GOLGA2: variants seen among roughly 807,000 people sequenced by gnomAD.
The protein encoded by GOLGA2 is golgin subfamily A member 2.
GOLGA2 carries 49 observed loss-of-function variants against 148.8 expected under a neutral mutation model. That is an observed-to-expected ratio of 0.33 (90% CI 0.26 to 0.42). GOLGA2 has a LOEUF of 0.42. Ranked by LOEUF, GOLGA2 falls within the 10% of genes least tolerant of loss-of-function variation. The pLI is 1.00. For synonymous variants in GOLGA2, 501 were observed against 511.8 expected (o/e 0.98, Z 0.28); for missense variants, 1,178 against 1,304.6 (o/e 0.90, Z 1.49).
At position 128,260,093 on chromosome 9, in the gene GOLGA2, T is replaced by C; in HGVS notation, c.1855A>G (p.Ser619Gly). Residue 619 changes from serine (S) to glycine (G), a missense_variant, in exon 19 of 27, where the codon AGC becomes GGC. Coordinates refer to ENST00000611957, the MANE Select transcript of GOLGA2 (RefSeq NM_001366244.2). This position sits in a 1 kb window ranked among gnomAD's most constrained non-coding sequence, Gnocchi z 4.8. ...GGGGTTACCGTTTCCTTCAGCTCGC[T>C]CAGCTTCTCCTGCAGCTCGCCCAGC... is the stretch of plus-strand genomic sequence containing the variant. ...KKLGELQEKL[S>G]ELKETVELKS... The C allele has an allele frequency of 6.2e-7, 1 of 1,609,912 alleles. No homozygotes were observed. Among genetic ancestry groups the C allele is most frequent in the Non-Finnish European group, 8.5e-7 (1 of 1,179,158 alleles).
At chr9:128,267,313 G>C (rs539131846) in intron 7 of GOLGA2, 39 bp from the exon 8 acceptor site, 31 of 1,468,142 alleles carry the variant, frequency 2.1e-5, no homozygotes, top group African/African-American at 4.2e-5. Context: ...GAGGAGGATT[G>C]GGGGGAGAGG....
chr9:128,262,458 A>C (rs1830330672), intron 14 of GOLGA2, 105 bp downstream of exon 14: 1 of 1,153,984 alleles, frequency 8.7e-7, no homozygotes. Context: ...CAAGGACCCA[A>C]ATTTTCCAGC....
chr9:128,266,931 C>T lies in GOLGA2; in HGVS notation c.642+263G>A. 1 of 566,456 alleles carries T rather than the reference C, an allele frequency of 1.8e-6. No homozygotes were observed. Among genetic ancestry groups the T allele is most frequent in the East Asian group, 3.1e-5 (1 of 32,736 alleles). 35.1% of individuals were successfully genotyped at this position (566,456 alleles called of 1,614,324 possible). The stretch of plus-strand genomic sequence containing the variant: ...ACAACCAGTCAGGCTAGCGCTTCCC[C>T]AAGAGGCAACAACCCCAGGGCGTGT... On this transcript the variant is annotated intron_variant, in intron 8 of 26. Coordinates refer to ENST00000611957, the MANE Select transcript of GOLGA2 (RefSeq NM_001366244.2). This position sits in a 1 kb window ranked among gnomAD's most constrained non-coding sequence, Gnocchi z 4.2.
In GOLGA2 at chr9:128,261,636, T is replaced by G. The variant is rs1453154470; in HGVS notation, c.1224+32A>C. 6.4e-7 allele frequency: 1 copy of G among 1,551,316 alleles called. No homozygotes were observed. The highest frequency in any genetic ancestry group is 1.4e-5 in the African/African-American group (1 of 73,706). On this transcript the variant is annotated intron_variant, in intron 15 of 26. Coordinates refer to ENST00000611957, the MANE Select transcript of GOLGA2 (RefSeq NM_001366244.2). The surrounding 1 kb of genome is among the most constrained non-coding windows in gnomAD (Gnocchi z 5.7). The stretch of plus-strand genomic sequence containing the variant: ...TACTCCTGGCCACCTGGGGTCATCT[T>G]CCTTCTACATCCCTCCCCTGCAAAG...
intron 1 of GOLGA2, among the ~76,000 whole-genome samples, chr9:128,274,762 C>T (rs1409744953): frequency 6.6e-6 from 1 of 152,220 alleles, no homozygotes; most frequent in African/African-American, 2.4e-5. Flanking sequence ...ATTTATGTGA[C>T]TGTCATCCCT....
chr9:128,273,087 C>CAGTCACACAG (rs1831060375), intron 2 of GOLGA2, among the ~76,000 whole-genome samples: 1 of 152,224 alleles, frequency 6.6e-6, no homozygotes, highest in Admixed American at 6.5e-5. Context: ...CTGAACGATG[C>CAGTCACACAG]AGTCACACAG....
rs760603831 is a variant in GOLGA2, at chr9:128,257,833, C to T, written c.2568G>A (p.Leu856=). ...CAGAAAGCTGGATGCAGCGATGTTC[C>T]AGTTCCTCTACCCTCTCCTTCAGGT... ...KADLKERVEE[L]EHRCIQLSGE... is the part of the protein sequence containing the mutation. The change falls in exon 24 of 27, where the codon CTG becomes CTA. Residue 856 remains leucine (L), a synonymous_variant. Transcript: ENST00000611957. The surrounding 1 kb of genome is among the most constrained non-coding windows in gnomAD (Gnocchi z 8.0). 1 of 1,614,186 alleles carries T rather than the reference C, an allele frequency of 6.2e-7. No homozygotes were observed. The highest frequency in any genetic ancestry group is 8.5e-7 in the Non-Finnish European group (1 of 1,180,018).
At chr9:128,265,107 C>T (rs181873216) in intron 12 of GOLGA2, among the ~76,000 whole-genome samples, 2 of 152,244 alleles carry the variant, frequency 1.3e-5, no homozygotes, top group African/African-American at 4.8e-5. Context: ...TCCAAAACTC[C>T]GAAAGGGCAG....
In GOLGA2 at chr9:128,275,462, A is replaced by G. The variant is rs750395937; in HGVS notation, c.84+431T>C. ...CAGGTCCTTGGAGACCCGAGACCAA[A>G]GAACCCCGGGAGGTCCGGTTTGGGG... On this transcript the variant is annotated intron_variant, in intron 1 of 26. Transcript: ENST00000611957. 174 of 1,298,604 alleles carry G rather than the reference A, an allele frequency of 1.3e-4. 1 individual carries two copies. The highest frequency in any genetic ancestry group is 3.1e-5 in the African/African-American group (2 of 64,716). 80.4% of individuals were successfully genotyped at this position (1,298,604 alleles called of 1,614,324 possible).
chr9:128,270,995 G>C (rs1449100309), intron 3 of GOLGA2, among the ~76,000 whole-genome samples: 1 of 152,168 alleles, frequency 6.6e-6, no homozygotes, highest in Non-Finnish European at 1.5e-5. Context: ...GTTGCAGTGA[G>C]CCAAGATCAC....
Position 128,275,945 on chromosome 9 carries a change from G to A in GOLGA2, c.32C>T (p.Pro11Leu), listed in dbSNP as rs775035848. The change falls in exon 1 of 27, where the codon CCC becomes CTC. Residue 11 changes from proline to leucine, a missense_variant. By Grantham distance (98) the Pro-to-Leu change is moderately conservative (BLOSUM62 -3). Coordinates refer to ENST00000611957, the MANE Select transcript of GOLGA2 (RefSeq NM_001366244.2). MWPQPRLPPR[P>L]AMSEETRQSK... Reference sequence around the variant, plus strand: ...CTGTCGGGTTTCTTCCGACATCGCGGGGCGGGGAGGGAGGCGGGGTTGGGG... The same window carrying A: ...CTGTCGGGTTTCTTCCGACATCGCGAGGCGGGGAGGGAGGCGGGGTTGGGG... 2 of 1,595,636 alleles carry A rather than the reference G, an allele frequency of 1.3e-6. No homozygotes were observed. Among genetic ancestry groups the A allele is most frequent in the East Asian group, 2.3e-5 (1 of 44,360 alleles).
intron 12 of GOLGA2, 84 bp from the exon 13 acceptor site, chr9:128,263,176 C>T: frequency 2.5e-6 from 2 of 797,538 alleles, no homozygotes; most frequent in Non-Finnish European, 4.5e-6. Flanking sequence ...AGTAAGTACT[C>T]CACAGTAACA....
At chr9:128,268,310 C>A in intron 4 of GOLGA2, 110 bp downstream of exon 4, 2 of 1,028,250 alleles carry the variant, frequency 1.9e-6, no homozygotes, top group South Asian at 1.3e-5. Flanking sequence ...TCCCCCGGCC[C>A]GGTCCCCAGG....
intron 8 of GOLGA2, 155 bp downstream of exon 8, chr9:128,267,039 C>T (rs1830633795): frequency 1.5e-6 from 1 of 678,906 alleles, no homozygotes; most frequent in Non-Finnish European, 2.7e-6. Flanking sequence ...CTGCATGCTC[C>T]GTGCTCTGGG....
At chr9:128,272,895 G>A (rs900441353) in intron 2 of GOLGA2, 30 bp from the exon 3 acceptor site, 5 of 988,498 alleles carry the variant, frequency 5.1e-6, no homozygotes, top group East Asian at 6.1e-5. Context: ...AAAAACAAGG[G>A]CAGGGGGAGA....
Position 128,257,269 on chromosome 9 carries a change from A to C in GOLGA2, c.2888T>G (p.Val963Gly), listed in dbSNP as rs1413797273. ...AANQQGDLCE[V>G]SLAGSVEPAQ... is the part of the protein sequence containing the mutation. ...AGGCTCCACACTGCCGGCGAGGCTC[A>C]CCTCGCAAAGATCTTTGGAGAGAGA... The change falls in exon 27 of 27, where the codon GTG becomes GGG. Residue 963 changes from valine to glycine, a missense_variant. Transcript: ENST00000611957. This position sits in a 1 kb window ranked among gnomAD's most constrained non-coding sequence, Gnocchi z 8.0. The C allele has an allele frequency of 2.5e-6, 4 of 1,612,692 alleles. No individual in the cohort carries two copies. Among genetic ancestry groups the C allele is most frequent in the Non-Finnish European group, 2.5e-6 (3 of 1,179,618 alleles).
In GOLGA2 at chr9:128,263,108, G is replaced by C; in HGVS notation, c.934-16C>G. ...CCTTGTTGTACTGTAAATACAGAAA[G>C]GTTAAGTCAGGATATAGCAGGCAGA... On this transcript the variant is annotated splice_polypyrimidine_tract_variant and intron_variant, in intron 12 of 26. Transcript: ENST00000611957. The C allele has an allele frequency of 6.3e-7, 1 of 1,580,184 alleles. No homozygotes were observed. Among genetic ancestry groups the C allele is most frequent in the South Asian group, 1.1e-5 (1 of 90,462 alleles).
chr9:128,264,519 C>T (rs536946158), intron 12 of GOLGA2, among the ~76,000 whole-genome samples: 332 of 152,222 alleles, frequency 2.2e-3, no homozygotes, highest in Non-Finnish European at 3.9e-3. Flanking sequence ...CTTCCGCCCC[C>T]GGGTTCAAGC....
chr9:128,271,326 C>T lies in GOLGA2; in HGVS notation c.288+1459G>A, dbSNP rs1265274409. Among the ~76,000 whole-genome samples the T allele has an allele frequency of 6.6e-6, 1 of 152,214 alleles. No homozygotes were observed. Among genetic ancestry groups the T allele is most frequent in the Admixed American group, 6.5e-5 (1 of 15,280 alleles). ...CAACTGGAGGGTAACAGGTATGAGA[C>T]TGGACAACTCTCTAACAGCAGCCAA... On this transcript the variant is annotated intron_variant, in intron 3 of 26. Coordinates refer to ENST00000611957, the MANE Select transcript of GOLGA2 (RefSeq NM_001366244.2). This position sits in a 1 kb window ranked among gnomAD's most constrained non-coding sequence, Gnocchi z 4.4.
Sources: allele counts gnomAD v4.1 joint callset (sites outside exome capture counted in the v4.1 genomes callset), GRCh38; gene constraint gnomAD v4.1.1; non-coding constraint Gnocchi (gnomAD v3.1); transcripts MANE v1.5; gene names NCBI Gene and HGNC (gene_info 2026-07-23, HGNC 2026-07-21).